SPAG16: variants seen among roughly 807,000 people sequenced by gnomAD.
SPAG16 encodes the protein sperm-associated antigen 16 protein.
A neutral mutation model predicts 80.4 loss-of-function variants in SPAG16; 86 were observed. The ratio of observed to expected loss-of-function variants is 1.07; its 90% CI spans 0.90 to 1.28. The LOEUF (loss-of-function observed/expected upper bound fraction) is 1.28. Among genes scored for constraint, SPAG16 ranks in the 50% most tolerant of loss-of-function variants. SPAG16 has a pLI of 0.00. For synonymous variants in SPAG16, 294 were observed against 265.9 expected (o/e 1.11, Z -1.03); for missense variants, 870 against 765.3 (o/e 1.14, Z -1.61).
chr2:214,389,958 C>T (rs186428781), intron 15 of SPAG16, among the ~76,000 whole-genome samples: 1 of 152,066 alleles, frequency 6.6e-6, no homozygotes, highest in East Asian at 1.9e-4. Context: ...TGTTGGAGTG[C>T]ACTTCAAATT....
chr2:213,531,924 G>A (rs999483845), intron 10 of SPAG16, among the ~76,000 whole-genome samples: 4 of 152,018 alleles, frequency 2.6e-5, no homozygotes, highest in African/African-American at 9.7e-5. Context: ...TATGTACATT[G>A]TATCTTGTAT....
intron 12 of SPAG16, among the ~76,000 whole-genome samples, chr2:214,012,282 A>ATTTTTTT (rs1286363943): frequency 9.1e-4 from 46 of 50,676 alleles, no homozygotes; most frequent in East Asian, 1.3e-3. Context: ...ATATATATAT[A>ATTTTTTT]TATATATTTT....
intron 12 of SPAG16, among the ~76,000 whole-genome samples, chr2:214,002,455 A>G (rs2124885568): frequency 1.3e-5 from 2 of 152,342 alleles, no homozygotes; most frequent in Non-Finnish European, 2.9e-5. Context: ...GTGTAATTAT[A>G]AAAGGTAAAT....
intron 12 of SPAG16, among the ~76,000 whole-genome samples, chr2:213,987,657 T>A (rs936094127): frequency 6.6e-6 from 1 of 151,828 alleles, no homozygotes; most frequent in Non-Finnish European, 1.5e-5. Context: ...ATTTCTCAAT[T>A]AAGTATATAT....
At chr2:213,599,498 A>G (rs2124963964) in intron 10 of SPAG16, among the ~76,000 whole-genome samples, 1 of 152,284 alleles carries the variant, frequency 6.6e-6, no homozygotes, top group East Asian at 1.9e-4. Context: ...ATGATAATCC[A>G]CTGCCACTTA....
At chr2:213,328,573 C>T (rs2063940784) in intron 5 of SPAG16, among the ~76,000 whole-genome samples, 1 of 152,150 alleles carries the variant, frequency 6.6e-6, no homozygotes, top group Non-Finnish European at 1.5e-5. Context: ...AACAGTCTGC[C>T]ATCTCAGGGA....
intron 15 of SPAG16, among the ~76,000 whole-genome samples, chr2:214,182,974 G>T (rs1246635232): frequency 6.6e-6 from 1 of 151,908 alleles, no homozygotes; most frequent in Non-Finnish European, 1.5e-5. Flanking sequence ...TAGCGATGAA[G>T]TGCCTGGCAT....
At chr2:213,364,338 C>A in intron 8 of SPAG16, 193 bp downstream of exon 8, 1 of 298,460 alleles carries the variant, frequency 3.4e-6, no homozygotes, top group Non-Finnish European at 6.3e-6. Flanking sequence ...AAAAACAAGT[C>A]AACTATAATG....
chr2:214,134,726 T>G (rs1486193221), intron 14 of SPAG16, among the ~76,000 whole-genome samples: 1 of 152,220 alleles, frequency 6.6e-6, no homozygotes, highest in Admixed American at 6.5e-5. Flanking sequence ...TAATACCTTC[T>G]TAACTTACTG....
At chr2:214,034,256 T>C (rs1006447408) in intron 13 of SPAG16, among the ~76,000 whole-genome samples, 1 of 152,236 alleles carries the variant, frequency 6.6e-6, no homozygotes, top group African/African-American at 2.4e-5. Context: ...GATCACTTGG[T>C]TATGGTAGAC....
At chr2:213,453,721 G>A (rs2071835149) in intron 9 of SPAG16, among the ~76,000 whole-genome samples, 1 of 152,086 alleles carries the variant, frequency 6.6e-6, no homozygotes, top group Admixed American at 6.6e-5. Context: ...TGGCACTGAT[G>A]GCCCACCTTG....
At chr2:213,345,249 G>T (rs1452805025) in intron 6 of SPAG16, among the ~76,000 whole-genome samples, 6 of 144,564 alleles carry the variant, frequency 4.2e-5, no homozygotes, top group African/African-American at 8.1e-5. Context: ...CTTGTAAATT[G>T]GTTTGAGTTC....
chr2:213,350,274 C>G (rs1293118391), intron 6 of SPAG16, among the ~76,000 whole-genome samples: 3 of 152,100 alleles, frequency 2.0e-5, no homozygotes, highest in Non-Finnish European at 4.4e-5. Flanking sequence ...TACTTGGACA[C>G]AGCAAAAGGT....
intron 10 of SPAG16, among the ~76,000 whole-genome samples, chr2:213,669,875 T>C (rs2063751504): frequency 6.6e-6 from 1 of 152,176 alleles, no homozygotes; most frequent in Non-Finnish European, 1.5e-5. Flanking sequence ...TGGTTGAAAC[T>C]AGAGAAAAGC....
intron 13 of SPAG16, among the ~76,000 whole-genome samples, chr2:214,087,663 C>CTAAT (rs2051866676): frequency 6.6e-6 from 1 of 152,082 alleles, no homozygotes; most frequent in South Asian, 2.1e-4. Flanking sequence ...AGATGAGAAC[C>CTAAT]TAATTCCTAT....
intron 12 of SPAG16, among the ~76,000 whole-genome samples, chr2:214,011,821 A>G (rs1012823037): frequency 5.9e-5 from 9 of 152,166 alleles, no homozygotes; most frequent in Admixed American, 4.6e-4. Context: ...TAATTTACAT[A>G]CATATTCATA....
intron 11 of SPAG16, among the ~76,000 whole-genome samples, chr2:213,897,287 A>T (rs2077033245): frequency 6.6e-6 from 1 of 152,210 alleles, no homozygotes; most frequent in South Asian, 2.1e-4. Flanking sequence ...GCTATGACTT[A>T]CAAGTATGAG....
At chr2:213,676,039 G>C (rs112346501) in intron 10 of SPAG16, among the ~76,000 whole-genome samples, 1 of 152,198 alleles carries the variant, frequency 6.6e-6, no homozygotes, top group Non-Finnish European at 1.5e-5. Flanking sequence ...TCTTCCATTT[G>C]TTTGTATCCT....
intron 10 of SPAG16, among the ~76,000 whole-genome samples, chr2:213,573,013 A>G (rs61063237): frequency 0.11 from 16,003 of 151,562 alleles, 1,596 homozygotes; most frequent in African/African-American, 0.26. Context: ...AGGTGCGTCC[A>G]TCACCCCTTT....
Sources: gnomAD v4.1 joint callset for allele counts (sites outside exome capture counted in the v4.1 genomes callset) on GRCh38, gnomAD v4.1.1 for gene constraint, MANE v1.5 for transcripts, NCBI Gene and HGNC (gene_info 2026-07-23, HGNC 2026-07-21) for gene names.